Variants in CA10 observed in about 807,000 individuals in gnomAD.
CA10 encodes carbonic anhydrase-related protein 10.
Under a neutral mutation model 44.2 loss-of-function variants are expected in CA10, and 14 were observed. That is an observed-to-expected ratio of 0.32 (90% CI 0.21 to 0.50). The LOEUF is 0.50. CA10 is among the 20% of genes least tolerant of loss of function. CA10 has a pLI of 0.99. For synonymous variants in CA10, 159 were observed against 141.6 expected (o/e 1.12, Z -0.87); for missense variants, 350 against 409.7 (o/e 0.85, Z 1.26).
At chr17:51,727,189 C>A (rs1212359751) in intron 4 of CA10, among the ~76,000 whole-genome samples, 1 of 152,170 alleles carries the variant, frequency 6.6e-6, no homozygotes, top group Non-Finnish European at 1.5e-5. Flanking sequence ...CTTCTGAGGA[C>A]ACCTTTCACA....
intron 3 of CA10, among the ~76,000 whole-genome samples, chr17:51,930,451 G>T (rs1982607368): frequency 6.6e-6 from 1 of 152,134 alleles, no homozygotes; most frequent in Non-Finnish European, 1.5e-5. Flanking sequence ...ATTTAGGTGT[G>T]AGAATCACAA....
chr17:51,715,879 G>A (rs546383066), intron 4 of CA10, among the ~76,000 whole-genome samples: 1 of 152,006 alleles, frequency 6.6e-6, no homozygotes, highest in East Asian at 1.9e-4. Flanking sequence ...TAGTAGAGAC[G>A]GGGTTTCACC....
chr17:51,982,783 A>T (rs951613545), intron 2 of CA10, among the ~76,000 whole-genome samples: 28 of 151,830 alleles, frequency 1.8e-4, no homozygotes, highest in Admixed American at 1.8e-3. Context: ...TCTTTTTTAC[A>T]GGACTAGGAG....
chr17:51,898,755 G>C (rs1418341222), intron 3 of CA10, among the ~76,000 whole-genome samples: 1 of 151,938 alleles, frequency 6.6e-6, no homozygotes, highest in Non-Finnish European at 1.5e-5. Flanking sequence ...CAGGTATTCA[G>C]TTTCTTTCTG....
At chr17:51,810,776 C>G (rs976183929) in intron 3 of CA10, among the ~76,000 whole-genome samples, 39 of 152,306 alleles carry the variant, frequency 2.6e-4, no homozygotes, top group African/African-American at 9.4e-4. Flanking sequence ...AAAGTGGCCC[C>G]TTACCCTCCA....
intron 4 of CA10, among the ~76,000 whole-genome samples, chr17:51,675,877 T>C (rs1392236677): frequency 2.0e-5 from 3 of 152,346 alleles, no homozygotes; most frequent in South Asian, 4.1e-4. Context: ...AGATTTTCTC[T>C]TACTTGACAC....
intron 3 of CA10, among the ~76,000 whole-genome samples, chr17:51,857,188 T>G (rs1306362620): frequency 6.6e-6 from 1 of 152,196 alleles, no homozygotes; most frequent in African/African-American, 2.4e-5. Context: ...TTACAAAGTA[T>G]CTAACATCTC....
chr17:51,742,742 C>T (rs1173315630), intron 4 of CA10, among the ~76,000 whole-genome samples: 1 of 152,162 alleles, frequency 6.6e-6, no homozygotes, highest in Non-Finnish European at 1.5e-5. Context: ...ATCACCATAG[C>T]AACAGCTATG....
chr17:51,843,034 T>C (rs1598076205), intron 3 of CA10, among the ~76,000 whole-genome samples: 1 of 152,214 alleles, frequency 6.6e-6, no homozygotes, highest in Admixed American at 6.5e-5. Flanking sequence ...GTGTTGAAGT[T>C]GGGATTGATG....
At chr17:52,094,093 A>G (rs777082464) in intron 1 of CA10, among the ~76,000 whole-genome samples, 11 of 152,122 alleles carry the variant, frequency 7.2e-5, no homozygotes, top group Admixed American at 1.3e-4. Flanking sequence ...GAGCTGAACA[A>G]TGAGAACACA....
At chr17:51,677,777 T>A (rs905554637) in intron 4 of CA10, among the ~76,000 whole-genome samples, 3 of 152,140 alleles carry the variant, frequency 2.0e-5, no homozygotes, top group Admixed American at 1.3e-4. Context: ...TTTTGTGAAC[T>A]CTTCAACTCA....
chr17:51,765,943 C>G (rs2143646803), intron 3 of CA10, among the ~76,000 whole-genome samples: 1 of 152,142 alleles, frequency 6.6e-6, no homozygotes, highest in Middle Eastern at 3.4e-3. Context: ...TAAGCAGTGC[C>G]AAGTGTGAAA....
chr17:51,867,714 C>CG (rs1271630361), intron 3 of CA10, among the ~76,000 whole-genome samples: 76 of 152,308 alleles, frequency 5.0e-4, no homozygotes, highest in African/African-American at 1.8e-3. Context: ...GAAGCTAAGT[C>CG]AGTCTACGGA....
chr17:52,010,250 G>C (rs1417443756), intron 2 of CA10, among the ~76,000 whole-genome samples: 1 of 151,930 alleles, frequency 6.6e-6, no homozygotes, highest in Admixed American at 6.6e-5. Flanking sequence ...CCACTTCTCG[G>C]TATCTACCTA....
chr17:51,754,285 AGTGTGTGTGTGTGTGTGTGTGT>A (rs60269292), intron 3 of CA10, among the ~76,000 whole-genome samples: 1 of 140,900 alleles, frequency 7.1e-6, no homozygotes, highest in Non-Finnish European at 1.5e-5. Context: ...GAAACAGAAT[AGTGTGTGTGTGTGTGTGTGTGT>A]GTGTGTGTGT....
intron 3 of CA10, among the ~76,000 whole-genome samples, chr17:51,892,625 C>G (rs1433712613): frequency 2.0e-5 from 3 of 152,154 alleles, no homozygotes; most frequent in Admixed American, 6.5e-5. Flanking sequence ...GTTGGCCCAG[C>G]CTCCGTTCCA....
At chr17:51,924,796 G>C (rs1982360289) in intron 3 of CA10, among the ~76,000 whole-genome samples, 1 of 152,140 alleles carries the variant, frequency 6.6e-6, no homozygotes, top group African/African-American at 2.4e-5. Context: ...GACCTGGGGT[G>C]GTTATAAACG....
At chr17:52,096,303 A>C (rs1988399636) in intron 1 of CA10, among the ~76,000 whole-genome samples, 1 of 152,094 alleles carries the variant, frequency 6.6e-6, no homozygotes, top group African/African-American at 2.4e-5. Context: ...ATGAACACAC[A>C]CCTTCTACTG....
intron 3 of CA10, among the ~76,000 whole-genome samples, chr17:51,909,478 C>T (rs563649513): frequency 1.1e-4 from 16 of 152,114 alleles, no homozygotes; most frequent in Admixed American, 2.0e-4. Context: ...GCTCTTTTTT[C>T]GAGCTATTTT....
Sources: allele counts gnomAD v4.1 joint callset (sites outside exome capture counted in the v4.1 genomes callset), GRCh38; gene constraint gnomAD v4.1.1; transcripts MANE v1.5; gene names NCBI Gene and HGNC (gene_info 2026-07-23, HGNC 2026-07-21).